Variants in LTBP1 observed in about 807,000 individuals in gnomAD.
LTBP1 encodes the protein latent-transforming growth factor beta-binding protein 1.
LTBP1 carries 129 observed loss-of-function variants against 207.6 expected under a neutral mutation model. That is an observed-to-expected ratio of 0.62 (90% CI 0.54 to 0.72). The LOEUF (loss-of-function observed/expected upper bound fraction) is 0.72. Ranked by LOEUF, LTBP1 falls within the 30% of genes least tolerant of loss-of-function variation. LTBP1 has a pLI of 0.00. For synonymous variants in LTBP1, 963 were observed against 833.7 expected (o/e 1.16, Z -2.67); for missense variants, 2,281 against 2,217.2 (o/e 1.03, Z -0.58).
intron 31 of LTBP1, among the ~76,000 whole-genome samples, chr2:33,368,485 T>A (rs893264134): frequency 1.3e-5 from 2 of 152,188 alleles, no homozygotes; most frequent in African/African-American, 4.8e-5. Flanking sequence ...CCATAAACAA[T>A]GCTGCAATGA....
intron 24 of LTBP1, among the ~76,000 whole-genome samples, chr2:33,326,460 CA>C (rs1394889801): frequency 6.6e-6 from 1 of 151,550 alleles, no homozygotes; most frequent in Non-Finnish European, 1.5e-5. Context: ...CTTGTTGATA[CA>C]GTTCGAAATG....
At chr2:33,204,981 A>T (rs6705772) in intron 7 of LTBP1, among the ~76,000 whole-genome samples, 1 of 151,996 alleles carries the variant, frequency 6.6e-6, no homozygotes, top group African/African-American at 2.4e-5. Context: ...TTTTCAAATA[A>T]TTGGATTGGC....
In LTBP1 at chr2:33,311,901, C is replaced by T. The variant is rs540120930; in HGVS notation, c.3604+2345C>T. ...ACTTCGTTCTCTGTCACATATATTC[C>T]TATTTTCCAGAATAAGTTAATATGT... On this transcript the variant is annotated intron_variant, in intron 23 of 33. Transcript: ENST00000404816. 6.8e-4 allele frequency among the ~76,000 whole-genome samples: 103 copies of T among 152,288 alleles called. 2 individuals carry two copies. Among genetic ancestry groups the T allele is most frequent in the African/African-American group, 2.4e-3 (98 of 41,572 alleles).
chr2:33,215,448 C>G (rs1275152796), intron 7 of LTBP1, among the ~76,000 whole-genome samples: 1 of 152,154 alleles, frequency 6.6e-6, no homozygotes, highest in Non-Finnish European at 1.5e-5. Flanking sequence ...CTTAGAACAT[C>G]AAAGCTATGA....
At chr2:33,281,858 G>A (rs2093564954) in intron 19 of LTBP1, among the ~76,000 whole-genome samples, 1 of 151,998 alleles carries the variant, frequency 6.6e-6, no homozygotes. Flanking sequence ...GCCTATCAAG[G>A]TTCCATGCGT....
intron 9 of LTBP1, among the ~76,000 whole-genome samples, chr2:33,228,944 C>A (rs1224286190): frequency 1.3e-5 from 2 of 151,814 alleles, no homozygotes; most frequent in Non-Finnish European, 2.9e-5. Flanking sequence ...TCTGATTCAC[C>A]CACCTCAGCC....
chr2:33,290,579 A>T (rs2093754616), intron 19 of LTBP1, among the ~76,000 whole-genome samples: 1 of 152,204 alleles, frequency 6.6e-6, no homozygotes, highest in South Asian at 2.1e-4. Context: ...AGACAAACAA[A>T]TTAAAAGACT....
chr2:33,217,412 A>G, intron 7 of LTBP1, 140 bp from the exon 8 acceptor site: 1 of 512,816 alleles, frequency 2.0e-6, no homozygotes, highest in African/African-American at 1.9e-5. Flanking sequence ...TTTCTTTCCA[A>G]GTTTTATAGT....
intron 5 of LTBP1, among the ~76,000 whole-genome samples, chr2:33,152,647 G>C (rs1376407817): frequency 6.6e-6 from 1 of 152,196 alleles, no homozygotes; most frequent in East Asian, 1.9e-4. Flanking sequence ...CATACTAGTG[G>C]GTGTGAAGTG....
At chr2:33,282,632 T>C (rs1003328572) in intron 19 of LTBP1, among the ~76,000 whole-genome samples, 2 of 152,184 alleles carry the variant, frequency 1.3e-5, no homozygotes, top group African/African-American at 4.8e-5. Context: ...AAAATACCTT[T>C]CAGAAGGTGC....
intron 2 of LTBP1, among the ~76,000 whole-genome samples, chr2:32,950,574 A>T (rs1210145234): frequency 6.8e-6 from 1 of 146,576 alleles, no homozygotes. Flanking sequence ...AAAAAAAAAA[A>T]ATTACCCAGA....
chr2:33,377,579 GATA>G (rs1455352168), intron 31 of LTBP1, among the ~76,000 whole-genome samples: 13 of 152,206 alleles, frequency 8.5e-5, no homozygotes, highest in African/African-American at 2.7e-4. Flanking sequence ...ATTTCATTAT[GATA>G]ATAATCTTAC....
intron 5 of LTBP1, among the ~76,000 whole-genome samples, chr2:33,143,885 C>T (rs535728178): frequency 3.3e-5 from 5 of 151,850 alleles, no homozygotes; most frequent in East Asian, 1.9e-4. Context: ...CTCCAGGACC[C>T]GGGGTTGGTA....
intron 3 of LTBP1, among the ~76,000 whole-genome samples, chr2:33,106,779 T>G (rs2150209625): frequency 6.6e-6 from 1 of 152,328 alleles, no homozygotes; most frequent in African/African-American, 2.4e-5. Flanking sequence ...GAATGGTAAA[T>G]GAGCATTGGC....
At chr2:33,346,659 T>C (rs569992729) in intron 25 of LTBP1, among the ~76,000 whole-genome samples, 200 of 151,216 alleles carry the variant, frequency 1.3e-3, no homozygotes, top group African/African-American at 4.5e-3. Flanking sequence ...CACTCCAGCC[T>C]GGGTGACAGA....
intron 19 of LTBP1, among the ~76,000 whole-genome samples, chr2:33,283,061 CAAAAAAAAA>C (rs201168175): frequency 2.0e-5 from 1 of 49,462 alleles, no homozygotes; most frequent in East Asian, 6.0e-4. Context: ...GACTCCATCT[CAAAAAAAAA>C]AAAAAAAAAA....
chr2:33,293,529 A>C (rs1422379594), intron 20 of LTBP1, among the ~76,000 whole-genome samples: 2 of 152,132 alleles, frequency 1.3e-5, no homozygotes, highest in African/African-American at 4.8e-5. Context: ...GGTTCATCTA[A>C]ATTTTTTTTT....
rs749743829 is a variant in LTBP1 at position 33,275,819 on chromosome 2, G to A, written c.2888G>A (p.Arg963Lys). 1.2e-6 allele frequency: 2 copies of A among 1,614,184 alleles called. No homozygotes were observed. The highest frequency in any genetic ancestry group is 1.7e-5 in the Admixed American group (1 of 60,030). ...TTCGTAGATGTTGACGAATGCCTGAGGCCGGACGTCTGTGGGGAGGGGCAC... is the reference window on the plus strand; with the variant it reads ...TTCGTAGATGTTGACGAATGCCTGAAGCCGGACGTCTGTGGGGAGGGGCAC... ...TNCIDVDECL[R>K]PDVCGEGHCV... The change falls in exon 18 of 34, where the codon AGG becomes AAG. Residue 963 changes from arginine (R) to lysine (K), a missense_variant. By Grantham distance (26) the Arg-to-Lys change is conservative. Transcript: ENST00000404816.
chr2:33,338,979 G>T lies in LTBP1; in HGVS notation c.3731-3859G>T, dbSNP rs371855727. On this transcript the variant is annotated intron_variant, in intron 24 of 33. Coordinates refer to ENST00000404816, the MANE Select transcript of LTBP1 (RefSeq NM_206943.4). ...GAGATTCTGAACACTCTGAGCAAGGGAATGGTACTGGTGAGTTTGCATTTT... is the reference window on the plus strand; with the variant it reads ...GAGATTCTGAACACTCTGAGCAAGGTAATGGTACTGGTGAGTTTGCATTTT... 6.9e-4 allele frequency among the ~76,000 whole-genome samples: 105 copies of T among 152,282 alleles called. 1 individual carries two copies. In the South Asian group the frequency reaches 0.022, roughly 32 times the overall value.
Sources: gnomAD v4.1 joint callset for allele counts (sites outside exome capture counted in the v4.1 genomes callset) on GRCh38, gnomAD v4.1.1 for gene constraint, MANE v1.5 for transcripts, NCBI Gene and HGNC (gene_info 2026-07-23, HGNC 2026-07-21) for gene names.